The following BRWD3 variants were observed in gnomAD, a reference collection of about 807,000 sequenced individuals.
The protein encoded by BRWD3 is bromodomain and WD repeat-containing protein 3.
A neutral mutation model predicts 149.7 loss-of-function variants in BRWD3; 10 were observed. That is an observed-to-expected ratio of 0.07 (90% CI 0.04 to 0.11). BRWD3 has a LOEUF of 0.11. Among genes scored for constraint, BRWD3 ranks in the 10% least tolerant of loss-of-function variants. The pLI, the probability that BRWD3 is intolerant of heterozygous loss-of-function variation, is 1.00. For missense variants in BRWD3, 940 were observed against 1,373.2 expected, an observed-to-expected ratio of 0.68 and a Z score of 4.99; for synonymous variants, 504 against 456.7, an observed-to-expected ratio of 1.10 and a Z score of -1.32.
In BRWD3 at chrX:80,677,169, T is replaced by C. The variant is rs999226556; in HGVS notation, c.4849A>G (p.Ser1617Gly). 2.0e-5 allele frequency: 24 copies of C among 1,211,850 alleles called. No homozygotes were observed. Among genetic ancestry groups the C allele is most frequent in the Non-Finnish European group, 2.7e-5 (24 of 895,458 alleles). ...GELGSSLSSE[S>G]TCGSDSDSES... is the part of the protein sequence containing the mutation. ...GAGTCAGAGTCAGAACCACAGGTAC[T>C]TTCAGAACTTAAACTGGATCCTAAC... The change falls in exon 41 of 41, where the codon AGT (serine) becomes GGT (glycine). Residue 1617 changes from serine (S) to glycine (G), a missense_variant. Ser to Gly is a moderately conservative substitution (Grantham distance 56). Transcript: ENST00000373275.
intron 16 of BRWD3, among the ~76,000 whole-genome samples, chrX:80,723,282 C>A (rs756398857): frequency 4.7e-4 from 52 of 110,885 alleles, no homozygotes; most frequent in African/African-American, 1.6e-3. Context: ...ATTCTATAAT[C>A]TTTCTCAAAT....
At chrX:80,716,335 A>T in intron 19 of BRWD3, 85 bp from the exon 20 acceptor site, 1 of 786,063 alleles carries the variant, frequency 1.3e-6, no homozygotes, top group Non-Finnish European at 1.9e-6. Flanking sequence ...ATACTTTTAA[A>T]CATATAATTT....
At chrX:80,796,385 T>A (rs2074239995) in intron 4 of BRWD3, among the ~76,000 whole-genome samples, 1 of 111,394 alleles carries the variant, frequency 9.0e-6, no homozygotes, top group Admixed American at 9.6e-5. Context: ...CGCCTCAGCC[T>A]CCCAAAGTGC....
Position 80,808,529 on chromosome X carries a change from C to G in BRWD3, c.180+10G>C. ...GAGTTAGGTTAAGTTGAAATGAAAA[C>G]TTTACTCACCAGATCCTCGAAGCTT... On this transcript the variant is annotated intron_variant, in intron 4 of 40. Transcript: ENST00000373275. The G allele has an allele frequency of 8.3e-7, 1 of 1,204,006 alleles. No homozygotes were observed. Among genetic ancestry groups the G allele is most frequent in the South Asian group, 1.8e-5 (1 of 56,628 alleles).
chrX:80,807,526 AG>A (rs1213806723), intron 4 of BRWD3, among the ~76,000 whole-genome samples: 1 of 111,956 alleles, frequency 8.9e-6, no homozygotes, highest in Non-Finnish European at 1.9e-5. Flanking sequence ...TCTTACTTGA[AG>A]GAAAGATAGC....
chrX:80,709,594 T>G lies in BRWD3; in HGVS notation c.2326-17A>C, dbSNP rs2072927292. On this transcript the variant is annotated splice_polypyrimidine_tract_variant and intron_variant, in intron 20 of 40. Coordinates refer to ENST00000373275, the MANE Select transcript of BRWD3 (RefSeq NM_153252.5). ...ATAATCATTCTGTAAAAGAGAAGAATAATAAATTTTAAAAAAGGAAAAGCT... is the reference window on the plus strand; with the variant it reads ...ATAATCATTCTGTAAAAGAGAAGAAGAATAAATTTTAAAAAAGGAAAAGCT... The G allele has an allele frequency of 3.3e-6, 4 of 1,196,189 alleles. No individual in the cohort carries two copies. Among genetic ancestry groups the G allele is most frequent in the Non-Finnish European group, 4.5e-6 (4 of 886,283 alleles).
chrX:80,698,931 C>T (rs187629288), intron 25 of BRWD3, among the ~76,000 whole-genome samples: 1 of 110,646 alleles, frequency 9.0e-6, no homozygotes, highest in East Asian at 2.9e-4. Context: ...TACATATTCT[C>T]AGCTGGGCAC....
At chrX:80,793,391 A>G (rs1361010900) in intron 5 of BRWD3, among the ~76,000 whole-genome samples, 1 of 110,417 alleles carries the variant, frequency 9.1e-6, no homozygotes, top group African/African-American at 3.3e-5. Flanking sequence ...TCTCTATTCC[A>G]TGATTACAAA....
intron 27 of BRWD3, among the ~76,000 whole-genome samples, chrX:80,695,202 G>C (rs1004863332): frequency 1.1e-4 from 12 of 111,610 alleles, no homozygotes; most frequent in Non-Finnish European, 2.1e-4. Flanking sequence ...TGCCATGATT[G>C]TAAATGTCCT....
chrX:80,714,936 G>A lies in BRWD3; in HGVS notation c.2325+1221C>T, dbSNP rs773972429. On this transcript the variant is annotated intron_variant, in intron 20 of 40. Transcript: ENST00000373275. The stretch of plus-strand genomic sequence containing the variant: ...TCAAAATAGAGATTTAATTTTTAAT[G>A]ATTAAAATTTGAAGTGAAAACTATT... Among the ~76,000 whole-genome samples, 7 of 111,941 alleles carry A rather than the reference G, an allele frequency of 6.3e-5. No individual in the cohort carries two copies. The Admixed American group carries it at 6.6e-4, about 11-fold the overall frequency.
chrX:80,744,125 G>T lies in BRWD3; in HGVS notation c.720C>A (p.Gly240=). 8.3e-7 allele frequency: 1 copy of T among 1,211,040 alleles called. No homozygotes were observed. The highest frequency in any genetic ancestry group is 1.8e-5 in the South Asian group (1 of 56,988). ...ATACTCTTACTACCTTATCACAGCTGCCTGCAGCAATAAGAGTGTTTTCAT... is the reference window on the plus strand; with the variant it reads ...ATACTCTTACTACCTTATCACAGCTTCCTGCAGCAATAAGAGTGTTTTCAT... ...VNYENTLIAA[G]SCDKVVRVWC... Residue 240 remains glycine (G), a synonymous_variant, in exon 8 of 41, where the codon GGC becomes GGA. Transcript: ENST00000373275.
chrX:80,733,407 G>C, intron 12 of BRWD3, 49 bp downstream of exon 12: 1 of 1,027,645 alleles, frequency 9.7e-7, no homozygotes, highest in Non-Finnish European at 1.4e-6. Context: ...GGGAATGGTA[G>C]TAAAATATAT....
At chrX:80,754,229 C>G (rs2073709092) in intron 6 of BRWD3, among the ~76,000 whole-genome samples, 1 of 111,558 alleles carries the variant, frequency 9.0e-6, no homozygotes, top group African/African-American at 3.3e-5. Flanking sequence ...GATCTTTCAC[C>G]TCCTTGGTTA....
In BRWD3 at chrX:80,690,104, A is replaced by C; in HGVS notation, c.3603-12T>G. On this transcript the variant is annotated splice_polypyrimidine_tract_variant and intron_variant, in intron 31 of 40. Coordinates refer to ENST00000373275, the MANE Select transcript of BRWD3 (RefSeq NM_153252.5). ...ATGCTGATATTCTCCTGTGAAAGAAAAAATACTCTGTTAGCCTTGGCTAAT... is the reference window on the plus strand; with the variant it reads ...ATGCTGATATTCTCCTGTGAAAGAACAAATACTCTGTTAGCCTTGGCTAAT... The C allele has an allele frequency of 1.7e-6, 2 of 1,204,537 alleles. No homozygotes were observed. The highest frequency in any genetic ancestry group is 2.2e-6 in the Non-Finnish European group (2 of 889,557).
intron 20 of BRWD3, among the ~76,000 whole-genome samples, chrX:80,714,259 C>T (rs1441400203): frequency 1.2e-5 from 1 of 82,826 alleles, no homozygotes; most frequent in African/African-American, 4.7e-5. Flanking sequence ...CGGAGTTTCA[C>T]TCTAGTTGCG....
At chrX:80,765,839 C>T (rs73227322) in intron 6 of BRWD3, among the ~76,000 whole-genome samples, 9,361 of 111,392 alleles carry the variant, frequency 0.084, 373 homozygotes, top group South Asian at 0.19. Context: ...CAGTTGTATG[C>T]AAACAGATAT....
At chrX:80,685,426 C>T (rs766501282) in intron 36 of BRWD3, 36 bp downstream of exon 36, 1 of 1,126,762 alleles carries the variant, frequency 8.9e-7, no homozygotes, top group South Asian at 1.8e-5. Flanking sequence ...AAAGTAAAAA[C>T]AATCAATATG....
intron 6 of BRWD3, among the ~76,000 whole-genome samples, chrX:80,780,965 G>A (rs1044890563): frequency 9.0e-6 from 1 of 111,680 alleles, no homozygotes; most frequent in Non-Finnish European, 1.9e-5. Context: ...CATGAAGAGT[G>A]ACATATAACG....
At position 80,680,616 on chromosome X, in the gene BRWD3, G is replaced by A. The variant is rs576199968; in HGVS notation, c.4654+725C>T. Among the ~76,000 whole-genome samples, 81 of 111,149 alleles carry A rather than the reference G, an allele frequency of 7.3e-4. No homozygotes were observed. In the South Asian group the frequency reaches 0.031, roughly 42 times the overall value. On this transcript the variant is annotated intron_variant, in intron 40 of 40. Coordinates refer to ENST00000373275, the MANE Select transcript of BRWD3 (RefSeq NM_153252.5). ...AAGGTGGTAGAAGCGGTTATTGACT[G>A]AAAGAAGGCTCATTTCTCAGCCCAG... is the stretch of plus-strand genomic sequence containing the variant.
Sources: allele counts gnomAD v4.1 joint callset (sites outside exome capture counted in the v4.1 genomes callset), GRCh38; gene constraint gnomAD v4.1.1; transcripts MANE v1.5; gene names NCBI Gene and HGNC (gene_info 2026-07-23, HGNC 2026-07-21).